The following PCDH15 variants were observed in gnomAD, a reference collection of about 807,000 sequenced individuals.
The protein encoded by PCDH15 is protocadherin-15.
A neutral mutation model predicts 178.5 loss-of-function variants in PCDH15; 129 were observed. That is an observed-to-expected ratio of 0.72 (90% CI 0.63 to 0.84). The LOEUF (loss-of-function observed/expected upper bound fraction) is 0.84. Ranked by LOEUF, PCDH15 falls within the 40% of genes least tolerant of loss-of-function variation. The probability of loss-of-function intolerance (pLI) is 0.00; values close to 1 mark genes in which losing one functional copy is unlikely to be tolerated. For missense variants in PCDH15, 2,230 were observed against 2,099.9 expected (o/e 1.06, Z -1.21); for synonymous variants, 800 against 732.0 (o/e 1.09, Z -1.50).
At chr10:54,697,807 G>T (rs1324012706) in intron 1 of PCDH15, among the ~76,000 whole-genome samples, 1 of 151,640 alleles carries the variant, frequency 6.6e-6, no homozygotes, top group Non-Finnish European at 1.5e-5. Context: ...GTGAAAAAAA[G>T]AAAAAGAAAA....
rs941471392 is a variant in PCDH15, at chr10:54,528,012, ATAT to A, written c.92-138_92-136del. On this transcript the variant is annotated intron_variant, in intron 2 of 37. Coordinates refer to ENST00000644397, the MANE Select transcript of PCDH15 (RefSeq NM_001384140.1). ...TAATTAATATGCATCACTACAATTA[ATAT>A]TATTTAAAAACATTTTATAATAACC... 6.7e-5 allele frequency: 46 copies of A among 689,342 alleles called. No homozygotes were observed. The African/African-American group carries it at 8.2e-4, about 12-fold the overall frequency. The allele number at this position is 689,342 out of a possible 1,614,324, so 42.7% of individuals were successfully genotyped here.
intron 2 of PCDH15, among the ~76,000 whole-genome samples, chr10:54,567,128 C>T (rs564479637): frequency 6.6e-6 from 1 of 152,194 alleles, no homozygotes; most frequent in African/African-American, 2.4e-5. Context: ...CTCTGTATAT[C>T]TTCTTTGGTT....
intron 2 of PCDH15, among the ~76,000 whole-genome samples, chr10:54,985,881 A>G (rs943206386): frequency 1.3e-5 from 2 of 152,210 alleles, no homozygotes; most frequent in Non-Finnish European, 2.9e-5. Context: ...ACCATCTCAC[A>G]ACAAACAGGA....
At chr10:54,251,884 CTTAA>C (rs2056504620) in intron 8 of PCDH15, among the ~76,000 whole-genome samples, 1 of 151,986 alleles carries the variant, frequency 6.6e-6, no homozygotes, top group South Asian at 2.1e-4. Flanking sequence ...ATATTCCATT[CTTAA>C]TTAAATTTTA....
At position 53,869,949 on chromosome 10, in the gene PCDH15, CTTCT is replaced by C. The variant is rs1436470584; in HGVS notation, c.3502-3096_3502-3093del. Reference sequence around the variant, plus strand: ...AAAATATGTTCTATTTTCTGTCTGACTTCTTTCATTCAATTTTGCACTGTAAGAT... The same window carrying C: ...AAAATATGTTCTATTTTCTGTCTGACTTCATTCAATTTTGCACTGTAAGAT... On this transcript the variant is annotated intron_variant, in intron 26 of 37. Transcript: ENST00000644397. Among the ~76,000 whole-genome samples, 3 of 152,106 alleles carry C rather than the reference CTTCT, an allele frequency of 2.0e-5. No homozygotes were observed. The East Asian group carries it at 5.8e-4, about 29-fold the overall frequency.
Position 53,972,227 on chromosome 10 carries a change from C to T in PCDH15, c.2869-10335G>A, listed in dbSNP as rs181470086. On this transcript the variant is annotated intron_variant, in intron 21 of 37. Coordinates refer to ENST00000644397, the MANE Select transcript of PCDH15 (RefSeq NM_001384140.1). Reference sequence around the variant, plus strand: ...TAATAAATGGTGCTGGGAAAACTGGCTAGCCATATGTAGAAAGCTGAAACT... The same window carrying T: ...TAATAAATGGTGCTGGGAAAACTGGTTAGCCATATGTAGAAAGCTGAAACT... Among the ~76,000 whole-genome samples, 867 of 152,224 alleles carry T rather than the reference C, an allele frequency of 5.7e-3. 3 individuals are homozygous for T. Among genetic ancestry groups the T allele is most frequent in the Non-Finnish European group, 9.5e-3 (644 of 68,026 alleles).
chr10:54,927,787 G>A, intron 2 of PCDH15, among the ~76,000 whole-genome samples: 2 of 151,892 alleles, frequency 1.3e-5, no homozygotes, highest in East Asian at 3.9e-4. Context: ...CCATTTGCTT[G>A]GTAGATATTT....
chr10:54,456,392 A>T (rs189683143), intron 3 of PCDH15, among the ~76,000 whole-genome samples: 1 of 152,120 alleles, frequency 6.6e-6, no homozygotes, highest in African/African-American at 2.4e-5. Context: ...TGACTGTCCT[A>T]TTGGATTCTG....
intron 2 of PCDH15, among the ~76,000 whole-genome samples, chr10:54,945,094 T>A (rs2131867667): frequency 6.6e-6 from 1 of 152,018 alleles, no homozygotes; most frequent in South Asian, 2.1e-4. Context: ...ATCAGTGGAA[T>A]TTTTCTTTTC....
chr10:55,188,317 C>A (rs1839852828), intron 1 of PCDH15, among the ~76,000 whole-genome samples: 1 of 151,740 alleles, frequency 6.6e-6, no homozygotes, highest in South Asian at 2.1e-4. Context: ...TCTGTGATGG[C>A]AAATGAATGC....
rs751269815 is a variant in PCDH15 at position 55,317,730 on chromosome 10, AC to A, written c.-156+1868del. 5.6e-4 allele frequency among the ~76,000 whole-genome samples: 85 copies of A among 152,112 alleles called. 2 individuals are homozygous for A. In the East Asian group the frequency reaches 0.016, roughly 29 times the overall value. On this transcript the variant is annotated intron_variant, in intron 1 of 5. Coordinates refer to the PCDH15 transcript ENST00000458638. ...CCCAGCTTAAAACAGAAAAAAAAAA[AC>A]AGAATAGAAAATCCTCAGGTGATAC...
chr10:54,499,042 T>C (rs1001276518), intron 3 of PCDH15, among the ~76,000 whole-genome samples: 3 of 152,046 alleles, frequency 2.0e-5, no homozygotes, highest in Non-Finnish European at 4.4e-5. Context: ...CCAATCACCT[T>C]CCACCAGGCC....
At chr10:54,071,478 T>C (rs1443393192) in intron 17 of PCDH15, among the ~76,000 whole-genome samples, 2 of 149,502 alleles carry the variant, frequency 1.3e-5, no homozygotes, top group East Asian at 3.9e-4. Context: ...AAAAATGCAT[T>C]TTTTTATCAT....
intron 17 of PCDH15, among the ~76,000 whole-genome samples, chr10:54,075,393 G>A (rs10825216): frequency 0.42 from 18,806 of 44,542 alleles, 2,780 homozygotes; most frequent in African/African-American, 0.53. Flanking sequence ...TAAAAAAAAA[G>A]ATCTATATAT....
intron 2 of PCDH15, chr10:54,568,548 A>T (rs992508150): frequency 1.3e-5 from 2 of 152,088 alleles, no homozygotes; most frequent in African/African-American, 4.8e-5. Flanking sequence ...CTGATCTTAA[A>T]TATTACTGTT....
intron 2 of PCDH15, among the ~76,000 whole-genome samples, chr10:55,387,994 TCA>T (rs1837702676): frequency 1.3e-5 from 2 of 152,210 alleles, no homozygotes; most frequent in East Asian, 3.9e-4. Flanking sequence ...TGCATTTGGC[TCA>T]AATATTTGAT....
rs146823582 is a variant in PCDH15 at position 53,857,315 on chromosome 10, A to G, written c.3718-52T>C. 42 of 1,413,220 alleles carry G rather than the reference A, an allele frequency of 3.0e-5. No individual in the cohort carries two copies. In the African/African-American group the frequency reaches 3.4e-4, roughly 11 times the overall value. The allele number at this position is 1,413,220 out of a possible 1,614,324, so 87.5% of individuals were successfully genotyped here. A position where few individuals can be genotyped will look rare whatever the true frequency, so the allele number is the denominator to read the frequency against. ...TTAATTTTTACTCACTGAAATTTCC[A>G]TAATCAGAAAACCCCCACATTACCT... On this transcript the variant is annotated intron_variant, in intron 27 of 37. Transcript: ENST00000644397.
rs148926410 is a variant in PCDH15, at chr10:55,054,900, T to C, written c.-80+111676A>G. Among the ~76,000 whole-genome samples, 209 of 152,358 alleles carry C rather than the reference T, an allele frequency of 1.4e-3. 1 individual carries two copies. The highest frequency in any genetic ancestry group is 4.7e-3 in the African/African-American group (196 of 41,592). Reference sequence around the variant, plus strand: ...TCTTGTAATTTGTTTAAGTTCCTTATAGATGCTTGATATTACACCTTTGCT... The same window carrying C: ...TCTTGTAATTTGTTTAAGTTCCTTACAGATGCTTGATATTACACCTTTGCT... On this transcript the variant is annotated intron_variant, in intron 2 of 5. Coordinates refer to the PCDH15 transcript ENST00000458638.
chr10:53,825,141 C>T lies in PCDH15; in HGVS notation c.4367+2252G>A, dbSNP rs1313718056. 6.5e-6 allele frequency: 10 copies of T among 1,541,138 alleles called. No individual in the cohort carries two copies. The Admixed American group carries it at 1.2e-4, about 19-fold the overall frequency. ...GAGTGATATTATTTACTTACTTATG[C>T]CTATGTATCCACAGGTGAGAAACAG... On this transcript the variant is annotated intron_variant, in intron 32 of 37. Coordinates refer to ENST00000644397, the MANE Select transcript of PCDH15 (RefSeq NM_001384140.1).
Sources: allele counts gnomAD v4.1 joint callset (sites outside exome capture counted in the v4.1 genomes callset), GRCh38; gene constraint gnomAD v4.1.1; transcripts MANE v1.5; gene names NCBI Gene and HGNC (gene_info 2026-07-23, HGNC 2026-07-21).